Variants in LHFPL2 observed in about 807,000 individuals in gnomAD.
LHFPL2 encodes the protein LHFPL tetraspan subfamily member 2.
LHFPL2 carries 7 observed loss-of-function variants against 17.5 expected under a neutral mutation model. That is an observed-to-expected ratio of 0.40 (90% CI 0.23 to 0.75). The LOEUF (loss-of-function observed/expected upper bound fraction) is 0.75, where lower values mean the gene tolerates loss of function less well. Among genes scored for constraint, LHFPL2 ranks in the 30% least tolerant of loss-of-function variants. The pLI is 0.37. For missense variants in LHFPL2, 241 were observed against 294.8 expected (o/e 0.82, Z 1.34); for synonymous variants, 134 against 116.2 (o/e 1.15, Z -0.99).
At chr5:78,638,838 A>G (rs1251281931) in intron 1 of LHFPL2, among the ~76,000 whole-genome samples, 3 of 152,234 alleles carry the variant, frequency 2.0e-5, no homozygotes, top group African/African-American at 7.2e-5. Flanking sequence ...TGGACAGGCC[A>G]AACATGCCAG....
intron 2 of LHFPL2, among the ~76,000 whole-genome samples, chr5:78,583,683 T>C (rs1743240795): frequency 6.6e-6 from 1 of 152,184 alleles, no homozygotes; most frequent in African/African-American, 2.4e-5. Context: ...CCTTTGAGGG[T>C]AACCCAACCT....
intron 2 of LHFPL2, among the ~76,000 whole-genome samples, chr5:78,630,304 C>A (rs1449144347): frequency 6.6e-6 from 1 of 152,220 alleles, no homozygotes; most frequent in African/African-American, 2.4e-5. Flanking sequence ...AGACTCCCCA[C>A]AAATGCCCTG....
chr5:78,602,642 A>G (rs374260087), intron 2 of LHFPL2, among the ~76,000 whole-genome samples: 199 of 152,286 alleles, frequency 1.3e-3, no homozygotes, highest in Middle Eastern at 0.01. Flanking sequence ...TCCTGGGCAG[A>G]TAAGTTCTGG....
At chr5:78,532,114 G>A (rs1755801702) in intron 3 of LHFPL2, among the ~76,000 whole-genome samples, 1 of 152,084 alleles carries the variant, frequency 6.6e-6, no homozygotes, top group Admixed American at 6.5e-5. Context: ...AGTAGAAATG[G>A]GGTTTCACCA....
chr5:78,535,757 G>A (rs911060840), intron 3 of LHFPL2, among the ~76,000 whole-genome samples: 4 of 152,140 alleles, frequency 2.6e-5, no homozygotes, highest in Admixed American at 2.6e-4. Context: ...GCTTCCTTAC[G>A]GCAGGGGGAA....
At chr5:78,566,133 GC>G (rs529878172) in intron 2 of LHFPL2, among the ~76,000 whole-genome samples, 7 of 152,142 alleles carry the variant, frequency 4.6e-5, no homozygotes, top group Non-Finnish European at 8.8e-5. Flanking sequence ...CCACTGATAA[GC>G]AAGAAAACAA....
Position 78,489,136 on chromosome 5 carries a change from C to CCCT in LHFPL2, c.447_448insAGG (p.Leu149_Gly150insArg). 3.1e-6 allele frequency: 5 copies of CCCT among 1,614,086 alleles called. No individual in the cohort carries two copies. Among genetic ancestry groups the CCCT allele is most frequent in the Non-Finnish European group, 4.2e-6 (5 of 1,180,020 alleles). ...CAGCCAGCAGGGTAGAGTATCAAAC[C>CCCT]GAGGATAAGGAATAGACCTGCAGAA... is the stretch of plus-strand genomic sequence containing the variant. On this transcript the variant is annotated inframe_insertion, in exon 5 of 5. Coordinates refer to ENST00000380345, the MANE Select transcript of LHFPL2 (RefSeq NM_005779.3).
chr5:78,581,690 C>G (rs368818566), intron 2 of LHFPL2, among the ~76,000 whole-genome samples: 19 of 152,052 alleles, frequency 1.2e-4, no homozygotes, highest in Admixed American at 1.0e-3. Context: ...GATTCGGTTT[C>G]CCAGTATTTT....
chr5:78,511,862 G>A (rs116007963), intron 3 of LHFPL2, among the ~76,000 whole-genome samples: 60 of 152,304 alleles, frequency 3.9e-4, no homozygotes, highest in African/African-American at 1.4e-3. Context: ...TTAATTGTCA[G>A]GGTGTGTGTG....
intron 2 of LHFPL2, among the ~76,000 whole-genome samples, chr5:78,578,401 C>A (rs1757186190): frequency 6.6e-6 from 1 of 152,060 alleles, no homozygotes; most frequent in Non-Finnish European, 1.5e-5. Flanking sequence ...GAGGCTGGGT[C>A]CAGGCTCTCT....
At chr5:78,641,479 T>C (rs146131862) in intron 1 of LHFPL2, among the ~76,000 whole-genome samples, 1 of 152,326 alleles carries the variant, frequency 6.6e-6, no homozygotes, top group South Asian at 2.1e-4. Context: ...TGGGTGCAGG[T>C]TTCCTTGCTT....
At chr5:78,493,737 G>C (rs1303137065) in intron 4 of LHFPL2, among the ~76,000 whole-genome samples, 4 of 152,168 alleles carry the variant, frequency 2.6e-5, no homozygotes, top group African/African-American at 9.7e-5. Context: ...CCTGTTCTAG[G>C]CCGGTGAGCC....
chr5:78,546,093 T>G (rs1393011058), intron 3 of LHFPL2, among the ~76,000 whole-genome samples: 2 of 152,250 alleles, frequency 1.3e-5, no homozygotes, highest in Non-Finnish European at 2.9e-5. Flanking sequence ...AGTGACCGTC[T>G]GTGAGCCATT....
chr5:78,518,308 C>A (rs1160773953), intron 3 of LHFPL2, among the ~76,000 whole-genome samples: 1 of 152,184 alleles, frequency 6.6e-6, no homozygotes, highest in Admixed American at 6.5e-5. Flanking sequence ...GTGGCTCACA[C>A]CTATAATCCC....
intron 1 of LHFPL2, among the ~76,000 whole-genome samples, chr5:78,634,504 C>A (rs185442701): frequency 6.6e-6 from 1 of 152,248 alleles, no homozygotes; most frequent in Non-Finnish European, 1.5e-5. Flanking sequence ...TATGGTCCCA[C>A]GCCTCCAAAG....
chr5:78,490,331 G>A (rs1214485990), intron 4 of LHFPL2, among the ~76,000 whole-genome samples: 1 of 152,154 alleles, frequency 6.6e-6, no homozygotes. Flanking sequence ...CCTGCAGTGG[G>A]TGCCTCACCC....
In LHFPL2 at chr5:78,510,309, A is replaced by G; in HGVS notation, c.-96T>C. 1 of 1,225,726 alleles carries G rather than the reference A, an allele frequency of 8.2e-7. No individual in the cohort carries two copies. Among genetic ancestry groups the G allele is most frequent in the Non-Finnish European group, 1.1e-6 (1 of 892,136 alleles). The allele number at this position is 1,225,726 out of a possible 1,614,324, so 75.9% of individuals were successfully genotyped here. A position where few individuals can be genotyped will look rare whatever the true frequency, so the allele number is the denominator to read the frequency against. ...GGAGGCTCGGGCGGCCCGGGAAGGA[A>G]GTCGCAGCTGCAGTCATTCACTCCC... On this transcript the variant is annotated 5_prime_UTR_variant, in exon 4 of 5. Coordinates refer to ENST00000380345, the MANE Select transcript of LHFPL2 (RefSeq NM_005779.3).
chr5:78,505,268 T>C (rs961738557), intron 4 of LHFPL2, among the ~76,000 whole-genome samples: 1 of 152,196 alleles, frequency 6.6e-6, no homozygotes, highest in Non-Finnish European at 1.5e-5. Context: ...CCGGCTTTTG[T>C]AATGAATCCC....
chr5:78,546,366 G>T (rs1164381099), intron 3 of LHFPL2, among the ~76,000 whole-genome samples: 4 of 152,194 alleles, frequency 2.6e-5, no homozygotes, highest in African/African-American at 9.6e-5. Context: ...AGAGGGACAC[G>T]GCAGCAGTGT....
Sources: gnomAD v4.1 joint callset for allele counts (sites outside exome capture counted in the v4.1 genomes callset) on GRCh38, gnomAD v4.1.1 for gene constraint, MANE v1.5 for transcripts, NCBI Gene and HGNC (gene_info 2026-07-23, HGNC 2026-07-21) for gene names.